THSD7A: variants seen among roughly 807,000 people sequenced by gnomAD.
THSD7A encodes thrombospondin type 1 domain containing 7A, also known as thrombospondin type-1 domain-containing protein 7A.
A neutral mutation model predicts 231.3 loss-of-function variants in THSD7A; 96 were observed. The observed-to-expected ratio is 0.41, with a 90% CI of 0.35 to 0.49. THSD7A has a LOEUF of 0.49. THSD7A is among the 20% of genes least tolerant of loss of function. The pLI is 0.05. For missense variants in THSD7A, 2,290 were observed against 2,070.2 expected (o/e 1.11, Z -2.06); for synonymous variants, 940 against 743.3 (o/e 1.26, Z -4.30).
chr7:11,616,695 C>T (rs1562772211), intron 2 of THSD7A, among the ~76,000 whole-genome samples: 3 of 152,112 alleles, frequency 2.0e-5, no homozygotes. Flanking sequence ...CTTAGCTCTC[C>T]CCAGTGTCTT....
intron 1 of THSD7A, among the ~76,000 whole-genome samples, chr7:11,663,839 G>A (rs1783023725): frequency 6.6e-6 from 1 of 151,646 alleles, no homozygotes; most frequent in Non-Finnish European, 1.5e-5. Flanking sequence ...TCTCAATTTT[G>A]TTGGTCAAAA....
chr7:11,497,762 C>A (rs902426512), intron 6 of THSD7A, among the ~76,000 whole-genome samples: 3 of 152,014 alleles, frequency 2.0e-5, no homozygotes, highest in Non-Finnish European at 4.4e-5. Flanking sequence ...ACTGAAACTT[C>A]CAGGTACTTG....
At position 11,814,084 on chromosome 7, in the gene THSD7A, T is replaced by C. The variant is rs1784610743; in HGVS notation, c.190+17673A>G. Among the ~76,000 whole-genome samples, 1 of 152,136 alleles carries C rather than the reference T, an allele frequency of 6.6e-6. No individual in the cohort carries two copies. The highest frequency in any genetic ancestry group is 1.5e-5 in the Non-Finnish European group (1 of 68,026). ...GTTATGATGCCATTCATATGAAAGGTCCAGACTAGGCGAATAGAGAAAAAG... is the reference window on the plus strand; with the variant it reads ...GTTATGATGCCATTCATATGAAAGGCCCAGACTAGGCGAATAGAGAAAAAG... On this transcript the variant is annotated intron_variant, in intron 1 of 27. Transcript: ENST00000423059. The surrounding 1 kb of genome is among the most constrained non-coding windows in gnomAD (Gnocchi z 5.1).
intron 1 of THSD7A, among the ~76,000 whole-genome samples, chr7:11,803,300 G>C (rs772150368): frequency 6.6e-6 from 1 of 152,076 alleles, no homozygotes; most frequent in African/African-American, 2.4e-5. Flanking sequence ...AGAAAAGTGA[G>C]GCTTAGAAAA....
chr7:11,542,271 A>G (rs1251462633), intron 5 of THSD7A, among the ~76,000 whole-genome samples: 1 of 152,196 alleles, frequency 6.6e-6, no homozygotes, highest in African/African-American at 2.4e-5. Flanking sequence ...CCTTCATGAG[A>G]GTGTGTAACA....
intron 1 of THSD7A, among the ~76,000 whole-genome samples, chr7:11,679,890 C>T (rs1216475197): frequency 2.6e-5 from 4 of 152,028 alleles, no homozygotes; most frequent in Admixed American, 6.6e-5. Flanking sequence ...AAAGCCAAGA[C>T]AATCAGAAGC....
intron 2 of THSD7A, among the ~76,000 whole-genome samples, chr7:11,603,773 C>T (rs1780634528): frequency 6.7e-6 from 1 of 149,918 alleles, no homozygotes; most frequent in South Asian, 2.1e-4. Flanking sequence ...TAAACTATCG[C>T]AAGAACAAAA....
intron 1 of THSD7A, among the ~76,000 whole-genome samples, chr7:11,655,392 C>A (rs971860662): frequency 6.6e-6 from 1 of 151,790 alleles, no homozygotes; most frequent in African/African-American, 2.4e-5. Context: ...TGTTGGACAG[C>A]TACACCTACT....
At chr7:11,580,058 A>T (rs148526310) in intron 4 of THSD7A, among the ~76,000 whole-genome samples, 5,496 of 152,150 alleles carry the variant, frequency 0.036, 148 homozygotes, top group South Asian at 0.09. Context: ...TGTTTTTTTT[A>T]AAATAACATT....
At chr7:11,438,072 A>C (rs550727674) in intron 13 of THSD7A, among the ~76,000 whole-genome samples, 1 of 151,978 alleles carries the variant, frequency 6.6e-6, no homozygotes, top group South Asian at 2.1e-4. Context: ...AAAGAATCCC[A>C]CAGCTGAGAC....
At position 11,829,854 on chromosome 7, in the gene THSD7A, AT is replaced by A. The variant is rs540866355; in HGVS notation, c.190+1902del. 1.9e-3 allele frequency among the ~76,000 whole-genome samples: 271 copies of A among 145,550 alleles called. 1 individual carries two copies. The highest frequency in any genetic ancestry group is 3.6e-3 in the African/African-American group (143 of 40,006). On this transcript the variant is annotated intron_variant, in intron 1 of 27. Transcript: ENST00000423059. The stretch of plus-strand genomic sequence containing the variant: ...ATTTTGCTTTCCAATTGAATGAACT[AT>A]TTTTTTTTTTTACCAAACCAAGGAT...
intron 1 of THSD7A, among the ~76,000 whole-genome samples, chr7:11,813,066 A>G (rs1274990765): frequency 6.6e-6 from 1 of 152,268 alleles, no homozygotes; most frequent in African/African-American, 2.4e-5. Context: ...GCAACTTCCA[A>G]AACAGGTTAG....
intron 1 of THSD7A, among the ~76,000 whole-genome samples, chr7:11,793,138 A>G (rs1438570240): frequency 1.3e-5 from 2 of 151,954 alleles, no homozygotes; most frequent in Non-Finnish European, 2.9e-5. Flanking sequence ...AGGAGAAATT[A>G]AGCTGAAAAA....
chr7:11,488,908 C>T (rs1398009355), intron 6 of THSD7A, among the ~76,000 whole-genome samples: 1 of 152,006 alleles, frequency 6.6e-6, no homozygotes, highest in East Asian at 1.9e-4. Flanking sequence ...GCCTGGTGTC[C>T]CCATCTCTCG....
At chr7:11,589,142 C>A (rs576632646) in intron 4 of THSD7A, among the ~76,000 whole-genome samples, 1 of 152,140 alleles carries the variant, frequency 6.6e-6, no homozygotes, top group East Asian at 1.9e-4. Flanking sequence ...ATATTCCTTC[C>A]CAAAATATTC....
At chr7:11,515,394 C>T (rs1349257135) in intron 6 of THSD7A, among the ~76,000 whole-genome samples, 1 of 152,090 alleles carries the variant, frequency 6.6e-6, no homozygotes, top group Non-Finnish European at 1.5e-5. Context: ...TGACAATGTT[C>T]AACTTGACTT....
intron 6 of THSD7A, among the ~76,000 whole-genome samples, chr7:11,525,571 C>T (rs1321236625): frequency 6.6e-6 from 1 of 152,030 alleles, no homozygotes; most frequent in Non-Finnish European, 1.5e-5. Flanking sequence ...AAAGTTACAG[C>T]TTTTCCAAAT....
At chr7:11,593,213 TGTA>T in intron 3 of THSD7A, 38 bp downstream of exon 3, 1 of 1,600,412 alleles carries the variant, frequency 6.2e-7, no homozygotes, top group Non-Finnish European at 8.5e-7. Flanking sequence ...GCTGAGCAAA[TGTA>T]GTTTCGGCAG....
intron 6 of THSD7A, among the ~76,000 whole-genome samples, chr7:11,516,880 A>G (rs1788051333): frequency 6.6e-6 from 1 of 152,206 alleles, no homozygotes; most frequent in African/African-American, 2.4e-5. Flanking sequence ...AAGGACATAT[A>G]CATCACTATA....
Sources: allele counts gnomAD v4.1 joint callset (sites outside exome capture counted in the v4.1 genomes callset), GRCh38; gene constraint gnomAD v4.1.1; non-coding constraint Gnocchi (gnomAD v3.1); transcripts MANE v1.5; gene names NCBI Gene and HGNC (gene_info 2026-07-23, HGNC 2026-07-21).